SNX30: variants seen among roughly 807,000 people sequenced by gnomAD.
The protein encoded by SNX30 is sorting nexin-30.
Under a neutral mutation model 46.4 loss-of-function variants are expected in SNX30, and 24 were observed. The ratio of observed to expected loss-of-function variants is 0.52; its 90% confidence interval spans 0.37 to 0.73. The LOEUF is 0.73. Among genes scored for constraint, SNX30 ranks in the 30% least tolerant of loss-of-function variants. The pLI is 0.00. For synonymous variants in SNX30, 189 were observed against 211.5 expected (o/e 0.89, Z 0.92); for missense variants, 533 against 555.7 (o/e 0.96, Z 0.41).
intron 2 of SNX30, among the ~76,000 whole-genome samples, chr9:112,805,794 T>C (rs1241308947): frequency 6.6e-6 from 1 of 152,204 alleles, no homozygotes; most frequent in African/African-American, 2.4e-5. Context: ...TTAAAACTTA[T>C]ATCCTTTAGT....
chr9:112,832,847 TA>T (rs1265137005), intron 4 of SNX30, among the ~76,000 whole-genome samples: 2 of 146,660 alleles, frequency 1.4e-5, no homozygotes, highest in Non-Finnish European at 3.0e-5. Context: ...TATTAATATA[TA>T]ATATATAATA....
chr9:112,752,920 CTTAGTT>C (rs1839299037), intron 1 of SNX30, among the ~76,000 whole-genome samples: 1 of 152,136 alleles, frequency 6.6e-6, no homozygotes, highest in Admixed American at 6.5e-5. Flanking sequence ...GTTGGCAGGT[CTTAGTT>C]ACTCTCCATA....
At chr9:112,809,746 A>G (rs536391794) in intron 2 of SNX30, among the ~76,000 whole-genome samples, 19 of 152,272 alleles carry the variant, frequency 1.2e-4, no homozygotes, top group Non-Finnish European at 2.6e-4. Context: ...GTAGTGATGC[A>G]GAACCCAAGT....
chr9:112,805,237 A>G (rs1223957477), intron 2 of SNX30, among the ~76,000 whole-genome samples: 7 of 151,400 alleles, frequency 4.6e-5, no homozygotes, highest in South Asian at 4.2e-4. Flanking sequence ...TTTTTTTACC[A>G]TGATACTATT....
intron 6 of SNX30, among the ~76,000 whole-genome samples, chr9:112,848,210 A>G (rs921695088): frequency 1.3e-5 from 2 of 151,726 alleles, no homozygotes; most frequent in Admixed American, 6.6e-5. Flanking sequence ...TTGTCACTCA[A>G]TGATGGAGGG....
intron 8 of SNX30, among the ~76,000 whole-genome samples, chr9:112,866,758 T>C (rs1377280140): frequency 7.7e-5 from 11 of 143,716 alleles, no homozygotes; most frequent in East Asian, 2.2e-4. Context: ...GAACTCCTCC[T>C]GCCTCCTCAG....
chr9:112,793,021 A>G (rs867707207), intron 1 of SNX30, among the ~76,000 whole-genome samples: 13 of 151,082 alleles, frequency 8.6e-5, no homozygotes, highest in Admixed American at 1.3e-4. Flanking sequence ...TGGTTTTCTT[A>G]GGTCTGAGTG....
At chr9:112,765,503 G>A (rs1839521341) in intron 1 of SNX30, among the ~76,000 whole-genome samples, 1 of 152,140 alleles carries the variant, frequency 6.6e-6, no homozygotes, top group African/African-American at 2.4e-5. Flanking sequence ...TGTCTCTGGA[G>A]TTTTCCTATT....
downstream of SNX30, chr9:112,879,587 T>C (rs1841552877): frequency 3.5e-6 from 2 of 573,468 alleles, no homozygotes; most frequent in African/African-American, 3.7e-5. Flanking sequence ...GAAAGTGCTT[T>C]TCCCCATCCA....
intron 4 of SNX30, among the ~76,000 whole-genome samples, chr9:112,832,061 G>C (rs1385338322): frequency 1.3e-5 from 2 of 152,096 alleles, no homozygotes; most frequent in African/African-American, 2.4e-5. Flanking sequence ...AGAGTGTGCC[G>C]TTCTTCACTC....
chr9:112,760,838 T>C (rs1179612916), intron 1 of SNX30, among the ~76,000 whole-genome samples: 21 of 152,162 alleles, frequency 1.4e-4, no homozygotes, highest in Admixed American at 1.4e-3. Flanking sequence ...GCAGCCCCAC[T>C]AGCTGGGGGT....
chr9:112,764,189 G>A lies in SNX30; in HGVS notation c.156+13032G>A, dbSNP rs141395232. On this transcript the variant is annotated intron_variant, in intron 1 of 8. Coordinates refer to ENST00000374232, the MANE Select transcript of SNX30 (RefSeq NM_001012994.2). Reference sequence around the variant, plus strand: ...TACATGTCTTACAAATGGACAGAAGGAAGAGCAACTCAGGCGGAAGAACCA... The same window carrying A: ...TACATGTCTTACAAATGGACAGAAGAAAGAGCAACTCAGGCGGAAGAACCA... Among the ~76,000 whole-genome samples the A allele has an allele frequency of 1.2e-3, 179 of 152,328 alleles. 1 individual carries two copies. Among genetic ancestry groups the A allele is most frequent in the African/African-American group, 4.0e-3 (168 of 41,582 alleles).
At chr9:112,785,238 C>T (rs978212877) in intron 1 of SNX30, among the ~76,000 whole-genome samples, 11 of 151,984 alleles carry the variant, frequency 7.2e-5, no homozygotes, top group African/African-American at 2.7e-4. Flanking sequence ...TTTTTTGAGA[C>T]ATGACCTCAC....
At chr9:112,846,924 G>T (rs1229903731) in intron 6 of SNX30, among the ~76,000 whole-genome samples, 2 of 152,148 alleles carry the variant, frequency 1.3e-5, no homozygotes, top group Non-Finnish European at 2.9e-5. Flanking sequence ...TCAGACATGT[G>T]CATGAGTCTG....
intron 2 of SNX30, among the ~76,000 whole-genome samples, chr9:112,813,469 A>ATC (rs1840349428): frequency 7.6e-6 from 1 of 132,348 alleles, no homozygotes; most frequent in African/African-American, 2.8e-5. Context: ...ACTGTATTTA[A>ATC]TTTTTTTTTT....
chr9:112,817,897 T>C, intron 3 of SNX30, 82 bp downstream of exon 3: 1 of 874,112 alleles, frequency 1.1e-6, no homozygotes, highest in South Asian at 1.3e-5. Flanking sequence ...TCTCATCCCT[T>C]AAGTTATACA....
chr9:112,816,110 G>C (rs972752316), intron 2 of SNX30, among the ~76,000 whole-genome samples: 2 of 151,904 alleles, frequency 1.3e-5, no homozygotes, highest in African/African-American at 4.8e-5. Flanking sequence ...CCTCTTAAAG[G>C]GCTGGGATTA....
Position 112,775,542 on chromosome 9 carries a change from TTGTGTGTGTGTGTG to T in SNX30, c.156+24417_156+24430del, listed in dbSNP as rs199600863. Reference sequence around the variant, plus strand: ...GTGGCTTGTCCTTTTTATTTTAAATTTGTGTGTGTGTGTGTGTGTGTGTGTGTGTGTGTGTGTGT... The same window carrying T: ...GTGGCTTGTCCTTTTTATTTTAAATTTGTGTGTGTGTGTGTGTGTGTGTGT... On this transcript the variant is annotated intron_variant, in intron 1 of 8. Coordinates refer to ENST00000374232, the MANE Select transcript of SNX30 (RefSeq NM_001012994.2). Among the ~76,000 whole-genome samples, 207 of 131,410 alleles carry T rather than the reference TTGTGTGTGTGTGTG, an allele frequency of 1.6e-3. 1 individual carries two copies. The highest frequency in any genetic ancestry group is 4.1e-3 in the Middle Eastern group (1 of 244). 86.2% of individuals were successfully genotyped at this position (131,410 alleles called of 152,430 possible).
chr9:112,865,376 C>A (rs1219171990), intron 8 of SNX30, among the ~76,000 whole-genome samples: 1 of 151,924 alleles, frequency 6.6e-6, no homozygotes, highest in African/African-American at 2.4e-5. Flanking sequence ...GTAATCCCAG[C>A]ACTTGAAGAG....
Sources: allele counts gnomAD v4.1 joint callset (sites outside exome capture counted in the v4.1 genomes callset), GRCh38; gene constraint gnomAD v4.1.1; transcripts MANE v1.5; gene names NCBI Gene and HGNC (gene_info 2026-07-23, HGNC 2026-07-21).